Variants in PCDHGA11 observed in about 807,000 individuals in gnomAD.
PCDHGA11 encodes the protein protocadherin gamma-A11.
Under a neutral mutation model 60.4 loss-of-function variants are expected in PCDHGA11, and 39 were observed. That is an observed-to-expected ratio of 0.65 (90% confidence interval 0.50 to 0.84). The LOEUF (loss-of-function observed/expected upper bound fraction) is 0.84, where lower values mean the gene tolerates loss of function less well. PCDHGA11 is among the 40% of genes least tolerant of loss of function. PCDHGA11 has a pLI of 0.00. For synonymous variants in PCDHGA11, 533 were observed against 510.3 expected (o/e 1.04, Z -0.60); for missense variants, 1,165 against 1,197.7 (o/e 0.97, Z 0.40).
rs771608897 is a variant in PCDHGA11, at chr5:141,490,857, C to T, written c.2434-3950C>T. 58 of 1,613,714 alleles carry T rather than the reference C, an allele frequency of 3.6e-5. 1 individual carries two copies. The highest frequency in any genetic ancestry group is 1.8e-4 in the Admixed American group (11 of 59,992). Reference sequence around the variant, plus strand: ...AGATTGTGGTGGGGGTTCGAGACTCCGGCTCTCCCCCATTGCATGCCAACA... The same window carrying T: ...AGATTGTGGTGGGGGTTCGAGACTCTGGCTCTCCCCCATTGCATGCCAACA... On this transcript the variant is annotated intron_variant, in intron 1 of 3. Transcript: ENST00000398587. The surrounding 1 kb of genome is among the most constrained non-coding windows in gnomAD (Gnocchi z 5.4).
At position 141,491,101 on chromosome 5, in the gene PCDHGA11, G is replaced by A. The variant is rs1270788252; in HGVS notation, c.2434-3706G>A. Reference sequence around the variant, plus strand: ...GTCCACAGCCCCAGGACTGTTCCTCGTGTCTACACACACTGGTGAGGTGCG... The same window carrying A: ...GTCCACAGCCCCAGGACTGTTCCTCATGTCTACACACACTGGTGAGGTGCG... On this transcript the variant is annotated intron_variant, in intron 1 of 3. Transcript: ENST00000398587. This position sits in a 1 kb window ranked among gnomAD's most constrained non-coding sequence, Gnocchi z 6.9. The A allele has an allele frequency of 8.1e-6, 13 of 1,614,102 alleles. No individual in the cohort carries two copies. In the East Asian group the frequency reaches 1.6e-4, roughly 19 times the overall value.
chr5:141,450,842 T>TTTTA (rs1387012749), intron 1 of PCDHGA11, among the ~76,000 whole-genome samples: 1 of 148,196 alleles, frequency 6.7e-6, no homozygotes, highest in African/African-American at 2.5e-5. Context: ...TTTTTTTTTT[T>TTTTA]GAGATGGGGT....
At chr5:141,505,336 G>A in intron 2 of PCDHGA11, 57 bp from the exon 3 acceptor site, 2 of 1,611,374 alleles carry the variant, frequency 1.2e-6, no homozygotes, top group South Asian at 1.1e-5. Flanking sequence ...GAGGACAGGA[G>A]GGGCATGAGC....
chr5:141,428,061 G>A (rs755817800), intron 1 of PCDHGA11: 1 of 1,609,154 alleles, frequency 6.2e-7, no homozygotes, highest in South Asian at 1.1e-5. Flanking sequence ...GGTGGCGGTG[G>A]ACGCAGATTC....
Position 141,485,369 on chromosome 5 carries a change from G to T in PCDHGA11, c.2434-9438G>T. On this transcript the variant is annotated intron_variant, in intron 1 of 3. Transcript: ENST00000398587. This position sits in a 1 kb window ranked among gnomAD's most constrained non-coding sequence, Gnocchi z 5.7. ...CAGTCTGTCAGCTCGCAGGCTGCAG[G>T]TCGCTGGAGAGGTGAACCAAAGACA... 1 of 1,614,154 alleles carries T rather than the reference G, an allele frequency of 6.2e-7. No individual in the cohort carries two copies. The highest frequency in any genetic ancestry group is 1.1e-5 in the South Asian group (1 of 91,088).
Position 141,490,850 on chromosome 5 carries a change from G to A in PCDHGA11, c.2434-3957G>A, listed in dbSNP as rs374508743. The A allele has an allele frequency of 7.2e-5, 116 of 1,613,706 alleles. No homozygotes were observed. The highest frequency in any genetic ancestry group is 9.5e-5 in the Non-Finnish European group (112 of 1,179,902). ...ATGCTGCAGATTGTGGTGGGGGTTC[G>A]AGACTCCGGCTCTCCCCCATTGCAT... On this transcript the variant is annotated intron_variant, in intron 1 of 3. Transcript: ENST00000398587. This position sits in a 1 kb window ranked among gnomAD's most constrained non-coding sequence, Gnocchi z 5.4.
intron 1 of PCDHGA11, among the ~76,000 whole-genome samples, chr5:141,443,156 A>G (rs1059029): frequency 0.29 from 44,047 of 151,812 alleles, 7,376 homozygotes; most frequent in African/African-American, 0.47. Flanking sequence ...ACTGCATTTT[A>G]TTTCCCTACC....
chr5:141,463,644 G>C (rs1356692609), intron 1 of PCDHGA11, among the ~76,000 whole-genome samples: 1 of 151,596 alleles, frequency 6.6e-6, no homozygotes, highest in Non-Finnish European at 1.5e-5. Context: ...GTAGAGACGG[G>C]GTTTCACCGT....
chr5:141,421,532 C>T lies in PCDHGA11; in HGVS notation c.305C>T (p.Ser102Phe), dbSNP rs557991200. Residue 102 changes from serine (S) to phenylalanine (F), a missense_variant, in exon 1 of 4, where the codon TCC becomes TTC. Physicochemically the swap from Ser to Phe is radical, Grantham distance 155. Transcript: ENST00000398587. ...GAGGAGCTCTGTGAGACGGTGTCCT[C>T]CTGTTTTTTAAATATGGAACTTCTC... Reference protein sequence around the residue: ...DREELCETVSSCFLNMELLVE... With the variant: ...DREELCETVSFCFLNMELLVE... The T allele has an allele frequency of 1.4e-5, 23 of 1,613,996 alleles. No individual in the cohort carries two copies. In the African/African-American group the frequency reaches 2.4e-4, roughly 17 times the overall value.
At chr5:141,482,530 CAAAAAAA>C (rs3074545) in intron 1 of PCDHGA11, among the ~76,000 whole-genome samples, 2 of 76,560 alleles carry the variant, frequency 2.6e-5, no homozygotes, top group South Asian at 4.6e-4. Flanking sequence ...GACAGACATG[CAAAAAAA>C]AAAAAAAAAA....
Position 141,489,941 on chromosome 5 carries a change from A to G in PCDHGA11, c.2434-4866A>G. Reference sequence around the variant, plus strand: ...ACCCTTATCTCTGTCATCGTGCTGGACATCAATGATAATGCTCCAACCTTC... The same window carrying G: ...ACCCTTATCTCTGTCATCGTGCTGGGCATCAATGATAATGCTCCAACCTTC... On this transcript the variant is annotated intron_variant, in intron 1 of 3. Transcript: ENST00000398587. The surrounding 1 kb of genome is among the most constrained non-coding windows in gnomAD (Gnocchi z 4.5). 1.2e-6 allele frequency: 2 copies of G among 1,614,228 alleles called. No homozygotes were observed. The highest frequency in any genetic ancestry group is 1.7e-6 in the Non-Finnish European group (2 of 1,180,034).
At chr5:141,479,798 G>A (rs892288776) in intron 1 of PCDHGA11, among the ~76,000 whole-genome samples, 3 of 152,116 alleles carry the variant, frequency 2.0e-5, no homozygotes, top group African/African-American at 7.2e-5. Flanking sequence ...ATTAATTCAG[G>A]GTGGTATGCA....
At chr5:141,472,980 C>CAAAAAAAAAA (rs60579131) in intron 1 of PCDHGA11, among the ~76,000 whole-genome samples, 34 of 85,838 alleles carry the variant, frequency 4.0e-4, no homozygotes, top group South Asian at 1.3e-3. Context: ...GAGTGAAACT[C>CAAAAAAAAAA]AAAAAAAAAA....
At position 141,432,247 on chromosome 5, in the gene PCDHGA11, C is replaced by G. The variant is rs139910620; in HGVS notation, c.2433+8587C>G. 61 of 1,614,264 alleles carry G rather than the reference C, an allele frequency of 3.8e-5. No homozygotes were observed. The African/African-American group carries it at 6.3e-4, about 17-fold the overall frequency. On this transcript the variant is annotated intron_variant, in intron 1 of 3. Transcript: ENST00000398587. The surrounding 1 kb of genome is among the most constrained non-coding windows in gnomAD (Gnocchi z 6.0). ...CTTATTCCCTGGCTGAGAACACCAT[C>G]CAAGGGGCAAGCCTATCGTCCTACG...
At position 141,431,316 on chromosome 5, in the gene PCDHGA11, C is replaced by T; in HGVS notation, c.2433+7656C>T. 6.2e-7 allele frequency: 1 copy of T among 1,614,104 alleles called. No individual in the cohort carries two copies. The highest frequency in any genetic ancestry group is 8.5e-7 in the Non-Finnish European group (1 of 1,180,046). The stretch of plus-strand genomic sequence containing the variant: ...TTCTCCCTCATCGTGCAAAATGGAG[C>T]CGACGGTAGTAAGTACCCCGAATTG... On this transcript the variant is annotated intron_variant, in intron 1 of 3. Transcript: ENST00000398587. The surrounding 1 kb of genome is among the most constrained non-coding windows in gnomAD (Gnocchi z 4.8).
At chr5:141,428,002 T>G in intron 1 of PCDHGA11, 1 of 1,601,328 alleles carries the variant, frequency 6.2e-7, no homozygotes, top group Non-Finnish European at 8.5e-7. Context: ...TCCGCACTCT[T>G]CGATATAGTG....
At position 141,485,321 on chromosome 5, in the gene PCDHGA11, C is replaced by G. The variant is rs780179631; in HGVS notation, c.2434-9486C>G. The G allele has an allele frequency of 6.2e-7, 1 of 1,614,154 alleles. No homozygotes were observed. Among genetic ancestry groups the G allele is most frequent in the Non-Finnish European group, 8.5e-7 (1 of 1,180,024 alleles). On this transcript the variant is annotated intron_variant, in intron 1 of 3. Transcript: ENST00000398587. This position sits in a 1 kb window ranked among gnomAD's most constrained non-coding sequence, Gnocchi z 5.7. The stretch of plus-strand genomic sequence containing the variant: ...AGGGACTTTTGTAGGGAATGTCGCT[C>G]AAGATTTCCTGCTGGATACGGACAG...
At chr5:141,467,064 T>C (rs1289790911) in intron 1 of PCDHGA11, among the ~76,000 whole-genome samples, 2 of 151,724 alleles carry the variant, frequency 1.3e-5, no homozygotes, top group Middle Eastern at 3.2e-3. Context: ...TCTTTTTTTT[T>C]TTTTTTTAGA....
At chr5:141,439,215 G>A (rs1319217047) in intron 1 of PCDHGA11, among the ~76,000 whole-genome samples, 2 of 151,488 alleles carry the variant, frequency 1.3e-5, no homozygotes, top group African/African-American at 4.9e-5. Flanking sequence ...ATCCATATGT[G>A]AAAATTCTTA....
Sources: allele counts gnomAD v4.1 joint callset (sites outside exome capture counted in the v4.1 genomes callset), GRCh38; gene constraint gnomAD v4.1.1; non-coding constraint Gnocchi (gnomAD v3.1); transcripts MANE v1.5; gene names NCBI Gene and HGNC (gene_info 2026-07-23, HGNC 2026-07-21).